The following SRGAP1 variants were observed in gnomAD, a reference collection of about 807,000 sequenced individuals.
SRGAP1 encodes SLIT-ROBO Rho GTPase-activating protein 1.
SRGAP1 carries 43 observed loss-of-function variants against 121.9 expected under a neutral mutation model. The ratio of observed to expected loss-of-function variants is 0.35; its 90% confidence interval spans 0.28 to 0.46. SRGAP1 has a LOEUF of 0.46. Ranked by LOEUF, SRGAP1 falls within the 20% of genes least tolerant of loss-of-function variation. The pLI is 1.00. For synonymous variants in SRGAP1, 447 were observed against 485.4 expected, an observed-to-expected ratio of 0.92 and a Z score of 1.04; for missense variants, 1,102 against 1,350.9, an observed-to-expected ratio of 0.82 and a Z score of 2.89.
At chr12:64,042,444 C>G (rs1347944666) in intron 4 of SRGAP1, among the ~76,000 whole-genome samples, 1 of 151,956 alleles carries the variant, frequency 6.6e-6, no homozygotes, top group Non-Finnish European at 1.5e-5. Context: ...CATGAATAAA[C>G]GGTTTATTCT....
At chr12:64,095,287 A>G in intron 14 of SRGAP1, 83 bp downstream of exon 14, 1 of 1,222,918 alleles carries the variant, frequency 8.2e-7, no homozygotes, top group Non-Finnish European at 1.2e-6. Flanking sequence ...CTTATTCTGT[A>G]TATCCTCAAA....
At chr12:64,065,297 A>T in intron 8 of SRGAP1, 78 bp downstream of exon 8, 1 of 1,233,436 alleles carries the variant, frequency 8.1e-7, no homozygotes, top group Non-Finnish European at 1.2e-6. Context: ...TGACTTGGGC[A>T]TATTTAATAT....
chr12:63,954,555 G>A (rs937099869), intron 1 of SRGAP1, among the ~76,000 whole-genome samples: 1 of 151,754 alleles, frequency 6.6e-6, no homozygotes, highest in African/African-American at 2.4e-5. Context: ...GTGGGTGCCT[G>A]TAGTCCCAGC....
chr12:63,928,184 A>T (rs2031330926), intron 1 of SRGAP1, among the ~76,000 whole-genome samples: 1 of 152,212 alleles, frequency 6.6e-6, no homozygotes. Context: ...AAATTGCAGC[A>T]TGCTACTCCT....
chr12:63,856,247 C>T (rs1899244856), intron 1 of SRGAP1, among the ~76,000 whole-genome samples: 1 of 145,044 alleles, frequency 6.9e-6, no homozygotes, highest in African/African-American at 2.5e-5. Context: ...AGCGAAACTC[C>T]GTCTCTAAAT....
chr12:64,057,829 T>C (rs2035371849), intron 6 of SRGAP1, among the ~76,000 whole-genome samples: 2 of 152,174 alleles, frequency 1.3e-5, no homozygotes, highest in Non-Finnish European at 2.9e-5. Flanking sequence ...TTCCTTTCCA[T>C]TCTCACGACA....
chr12:64,151,349 C>G lies in SRGAP1; in HGVS notation c.*8677C>G, dbSNP rs1163636367. 6.6e-6 allele frequency: 1 copy of G among 152,024 alleles called. No individual in the cohort carries two copies. The highest frequency in any genetic ancestry group is 2.4e-5 in the African/African-American group (1 of 41,384). 9.4% of individuals were successfully genotyped at this position (152,024 alleles called of 1,614,324 possible). A position where few individuals can be genotyped will look rare whatever the true frequency, so the allele number is the denominator to read the frequency against. On this transcript the variant is annotated 3_prime_UTR_variant, in exon 22 of 22. Transcript: ENST00000355086. ...GATTTTTTAATGGCTGTATAATATT[C>G]TAGCGTATGAACACATCATTATTTA...
intron 4 of SRGAP1, among the ~76,000 whole-genome samples, chr12:64,040,510 A>G (rs2034992194): frequency 6.6e-6 from 1 of 152,214 alleles, no homozygotes; most frequent in African/African-American, 2.4e-5. Context: ...CATTGGAGTC[A>G]TCACACCTTA....
At chr12:63,858,776 C>T (rs1418794848) in intron 1 of SRGAP1, among the ~76,000 whole-genome samples, 4 of 152,166 alleles carry the variant, frequency 2.6e-5, no homozygotes, top group Non-Finnish European at 5.9e-5. Context: ...GCAATCTGCT[C>T]ACTACAACCT....
At chr12:64,067,203 T>C (rs1341565147) in intron 8 of SRGAP1, among the ~76,000 whole-genome samples, 2 of 152,200 alleles carry the variant, frequency 1.3e-5, no homozygotes, top group African/African-American at 4.8e-5. Context: ...CCTTAATGTA[T>C]GCCTTTTTAG....
intron 6 of SRGAP1, among the ~76,000 whole-genome samples, chr12:64,062,033 T>TTAGG (rs34810526): frequency 6.6e-6 from 1 of 152,076 alleles, no homozygotes; most frequent in Non-Finnish European, 1.5e-5. Flanking sequence ...TTCATTTCTC[T>TTAGG]TATATATCTA....
intron 1 of SRGAP1, among the ~76,000 whole-genome samples, chr12:63,980,356 T>G (rs1168592305): frequency 6.6e-6 from 1 of 152,194 alleles, no homozygotes; most frequent in East Asian, 1.9e-4. Context: ...GCATGGCCCT[T>G]TGATCTGTTC....
chr12:64,066,709 A>G (rs2035547261), intron 8 of SRGAP1, among the ~76,000 whole-genome samples: 1 of 152,184 alleles, frequency 6.6e-6, no homozygotes, highest in Non-Finnish European at 1.5e-5. Flanking sequence ...TATATTTAAG[A>G]TGCAACCAAT....
At chr12:64,004,262 C>T (rs2034006381) in intron 3 of SRGAP1, among the ~76,000 whole-genome samples, 1 of 152,000 alleles carries the variant, frequency 6.6e-6, no homozygotes, top group South Asian at 2.1e-4. Context: ...CCCTCATGTC[C>T]CATGAAAAAG....
In SRGAP1 at chr12:64,080,301, T is replaced by G. The variant is rs1054032241; in HGVS notation, c.1339T>G (p.Leu447Val). The G allele has an allele frequency of 6.2e-7, 1 of 1,612,170 alleles. No individual in the cohort carries two copies. Among genetic ancestry groups the G allele is most frequent in the South Asian group, 1.1e-5 (1 of 90,252 alleles). ...CCTTTTGCAGAAACTCAGAGAATAT[T>G]TGGAAGGCAGTAATCTCATCACAAA... Reference protein sequence around the residue: ...QFYFMKLREYLEGSNLITKLQ... With the variant: ...QFYFMKLREYVEGSNLITKLQ... Residue 447 changes from leucine to valine, a missense_variant, in exon 10 of 22, where the codon TTG becomes GTG. By Grantham distance (32) the Leu-to-Val change is conservative (BLOSUM62 1). Transcript: ENST00000355086.
chr12:63,913,191 CTTCTTTTTTT>C lies in SRGAP1; in HGVS notation c.67+68311_67+68320del, dbSNP rs1398116061. Among the ~76,000 whole-genome samples, 65 of 111,810 alleles carry C rather than the reference CTTCTTTTTTT, an allele frequency of 5.8e-4. 1 individual carries two copies. Among genetic ancestry groups the C allele is most frequent in the Admixed American group, 6.4e-4 (6 of 9,346 alleles). 73.4% of individuals were successfully genotyped at this position (111,810 alleles called of 152,430 possible). A position where few individuals can be genotyped will look rare whatever the true frequency, so the allele number is the denominator to read the frequency against. On this transcript the variant is annotated intron_variant, in intron 1 of 21. Transcript: ENST00000355086. Reference sequence around the variant, plus strand: ...AGTGCAACCAATTTTCTGGTAAATCCTTCTTTTTTTTTTTTTTTTTTTTTTTTTTTTTTGA... The same window carrying C: ...AGTGCAACCAATTTTCTGGTAAATCCTTTTTTTTTTTTTTTTTTTTTTTGA...
chr12:64,089,465 G>T (rs2036008019), intron 11 of SRGAP1, among the ~76,000 whole-genome samples: 1 of 152,186 alleles, frequency 6.6e-6, no homozygotes, highest in Non-Finnish European at 1.5e-5. Context: ...AGTGGTAGTT[G>T]TCTCCTGAAC....
chr12:63,853,016 C>T (rs528772502), intron 1 of SRGAP1, among the ~76,000 whole-genome samples: 6 of 150,990 alleles, frequency 4.0e-5, no homozygotes, highest in East Asian at 3.9e-4. Context: ...CAAGTATTAC[C>T]GCAAAATTTT....
intron 1 of SRGAP1, among the ~76,000 whole-genome samples, chr12:63,960,440 A>G (rs1271037830): frequency 6.6e-6 from 1 of 151,996 alleles, no homozygotes; most frequent in Non-Finnish European, 1.5e-5. Flanking sequence ...CTCTACCCCC[A>G]GTCTGACCTT....
Sources: gnomAD v4.1 joint callset for allele counts (sites outside exome capture counted in the v4.1 genomes callset) on GRCh38, gnomAD v4.1.1 for gene constraint, MANE v1.5 for transcripts, NCBI Gene and HGNC (gene_info 2026-07-23, HGNC 2026-07-21) for gene names.